VPS35: variants seen among roughly 807,000 people sequenced by gnomAD.
The protein encoded by VPS35 is VPS35 retromer complex component.
VPS35 carries 21 observed loss-of-function variants against 98.1 expected under a neutral mutation model. The ratio of observed to expected loss-of-function variants is 0.21; its 90% CI spans 0.15 to 0.31. VPS35 has a LOEUF of 0.31. Ranked by LOEUF, VPS35 falls within the 10% of genes least tolerant of loss-of-function variation. The pLI, the probability that VPS35 is intolerant of heterozygous loss-of-function variation, is 1.00. For synonymous variants in VPS35, 268 were observed against 318.2 expected, an observed-to-expected ratio of 0.84 and a Z score of 1.68; for missense variants, 554 against 950.8, an observed-to-expected ratio of 0.58 and a Z score of 5.49.
At chr16:46,670,221 A>G (rs539521137) in intron 12 of VPS35, among the ~76,000 whole-genome samples, 2 of 152,382 alleles carry the variant, frequency 1.3e-5, no homozygotes, top group South Asian at 2.1e-4. Flanking sequence ...AGGGGCAGTC[A>G]GAGCTAATGA....
chr16:46,677,432 T>C (rs1966168653), intron 6 of VPS35, 34 bp from the exon 7 acceptor site: 4 of 1,576,380 alleles, frequency 2.5e-6, no homozygotes, highest in Non-Finnish European at 3.5e-6. Context: ...AGGGTTAAAA[T>C]CTGTTTTCAA....
chr16:46,674,785 T>G (rs1966120606), intron 8 of VPS35, 125 bp from the exon 9 acceptor site: 2 of 857,658 alleles, frequency 2.3e-6, no homozygotes, highest in Non-Finnish European at 3.6e-6. Flanking sequence ...TTTTTGTTTT[T>G]TTTGTTTTGT....
intron 1 of VPS35, among the ~76,000 whole-genome samples, chr16:46,683,836 T>G (rs1966271708): frequency 6.6e-6 from 1 of 152,180 alleles, no homozygotes. Flanking sequence ...GCCATTCTCC[T>G]GCCTCAGCCT....
At chr16:46,674,932 T>TA (rs1966123493) in intron 8 of VPS35, among the ~76,000 whole-genome samples, 1 of 151,876 alleles carries the variant, frequency 6.6e-6, no homozygotes, top group South Asian at 2.1e-4. Flanking sequence ...TAGCTGGGGC[T>TA]AACAGCATGT....
intron 6 of VPS35, 50 bp from the exon 7 acceptor site, chr16:46,677,448 T>TA (rs753960900): frequency 1.1e-5 from 16 of 1,495,256 alleles, no homozygotes; most frequent in Non-Finnish European, 1.4e-5. Flanking sequence ...TTCAAAATCT[T>TA]AAGCTATTCC....
chr16:46,662,863 G>T lies in VPS35; in HGVS notation c.1827+120C>A. 6 of 1,070,628 alleles carry T rather than the reference G, an allele frequency of 5.6e-6. No homozygotes were observed. In the South Asian group the frequency reaches 7.9e-5, roughly 14 times the overall value. 66.3% of individuals were successfully genotyped at this position (1,070,628 alleles called of 1,614,324 possible). On this transcript the variant is annotated intron_variant, in intron 14 of 16. Coordinates refer to ENST00000299138, the MANE Select transcript of VPS35 (RefSeq NM_018206.6). ...TTAACAGGTTCCATGATGGTGGGAA[G>T]GTGGTAGTTACACATTCAGTAAAAG...
chr16:46,683,280 T>C, intron 2 of VPS35: 1 of 577,186 alleles, frequency 1.7e-6, no homozygotes, highest in Middle Eastern at 4.7e-4. Flanking sequence ...TGAGCTTGTA[T>C]TCTAGTAGGG....
intron 8 of VPS35, among the ~76,000 whole-genome samples, chr16:46,675,038 TCCTTGGCCTCCCA>T (rs1247063511): frequency 7.1e-6 from 1 of 141,192 alleles, no homozygotes; most frequent in African/African-American, 2.8e-5. Flanking sequence ...CAAGCCTCCC[TCCTTGGCCTCCCA>T]AAGTGCTGGG....
In VPS35 at chr16:46,681,032, TACACACAC is replaced by T. The variant is rs3040555; in HGVS notation, c.324-187_324-180del. ...CACTGACTGACCTCTAAAAAAACTA[TACACACAC>T]ACACACACACACACACACACACACT... On this transcript the variant is annotated intron_variant, in intron 4 of 16. Coordinates refer to ENST00000299138, the MANE Select transcript of VPS35 (RefSeq NM_018206.6). 5.6e-5 allele frequency among the ~76,000 whole-genome samples: 8 copies of T among 142,114 alleles called. No homozygotes were observed. In the East Asian group the frequency reaches 1.2e-3, roughly 22 times the overall value. 93.2% of individuals were successfully genotyped at this position (142,114 alleles called of 152,430 possible). A position where few individuals can be genotyped will look rare whatever the true frequency, so the allele number is the denominator to read the frequency against.
At position 46,682,062 on chromosome 16, in the gene VPS35, C is replaced by T. The variant is rs781147809; in HGVS notation, c.199+17G>A. On this transcript the variant is annotated intron_variant, in intron 3 of 16. Transcript: ENST00000299138. ...AGGTATGGTCCAAATGTTTAGTCTTCAACATTCAAAAGATACAAAGTTCAT... is the reference window on the plus strand; with the variant it reads ...AGGTATGGTCCAAATGTTTAGTCTTTAACATTCAAAAGATACAAAGTTCAT... 1.9e-6 allele frequency: 3 copies of T among 1,584,472 alleles called. No homozygotes were observed. Among genetic ancestry groups the T allele is most frequent in the Non-Finnish European group, 2.6e-6 (3 of 1,153,420 alleles).
intron 1 of VPS35, 145 bp downstream of exon 1, chr16:46,688,986 C>T: frequency 6.5e-7 from 1 of 1,538,958 alleles, no homozygotes; most frequent in South Asian, 1.2e-5. Context: ...CCTGCTGTCC[C>T]CTATCCCGCA....
chr16:46,673,999 G>A (rs1308522222), intron 10 of VPS35: 2 of 323,620 alleles, frequency 6.2e-6, no homozygotes, highest in African/African-American at 4.3e-5. Flanking sequence ...TTTATGTGTG[G>A]CCCAAGAAAA....
chr16:46,663,211 T>A, intron 13 of VPS35, 49 bp from the exon 14 acceptor site: 1 of 1,529,832 alleles, frequency 6.5e-7, no homozygotes, highest in Non-Finnish European at 9.0e-7. Context: ...AAAATTAACT[T>A]GTTCCAGGAT....
intron 8 of VPS35, among the ~76,000 whole-genome samples, chr16:46,675,791 G>A (rs897578084): frequency 4.6e-5 from 7 of 152,090 alleles, no homozygotes; most frequent in African/African-American, 1.4e-4. Context: ...TTGGCCAAGC[G>A]CAGTGGCTCA....
intron 1 of VPS35, among the ~76,000 whole-genome samples, chr16:46,685,460 CCTTT>C (rs2143009330): frequency 6.6e-6 from 1 of 152,268 alleles, no homozygotes; most frequent in Admixed American, 6.5e-5. Context: ...CATGCATCTC[CCTTT>C]TTTTCCCTAT....
rs760984023 is a variant in VPS35 at position 46,675,699 on chromosome 16, T to C, written c.914+884A>G. On this transcript the variant is annotated intron_variant, in intron 8 of 16. Coordinates refer to ENST00000299138, the MANE Select transcript of VPS35 (RefSeq NM_018206.6). ...CTGCAGAAATAAATCTTCTCTTAGG[T>C]TTCTGGTTTCATGACAATGCTTACA... Among the ~76,000 whole-genome samples the C allele has an allele frequency of 2.2e-4, 33 of 152,090 alleles. 1 individual carries two copies. The highest frequency in any genetic ancestry group is 5.2e-4 in the Admixed American group (8 of 15,256).
At chr16:46,683,821 T>A (rs1966271329) in intron 1 of VPS35, among the ~76,000 whole-genome samples, 1 of 151,768 alleles carries the variant, frequency 6.6e-6, no homozygotes, top group South Asian at 2.1e-4. Flanking sequence ...GCCTCCCGGG[T>A]TCAAGCCATT....
At chr16:46,683,115 C>A in intron 2 of VPS35, 1 of 184,288 alleles carries the variant, frequency 5.4e-6, no homozygotes, top group Non-Finnish European at 1.2e-5. Flanking sequence ...GCATTTAAAT[C>A]CATTCATTCA....
At chr16:46,679,885 T>TA (rs1222378387) in intron 5 of VPS35, among the ~76,000 whole-genome samples, 2 of 151,516 alleles carry the variant, frequency 1.3e-5, no homozygotes, top group Non-Finnish European at 2.9e-5. Context: ...GCAGATATAT[T>TA]AAAAAACATT....
Sources: allele counts gnomAD v4.1 joint callset (sites outside exome capture counted in the v4.1 genomes callset), GRCh38; gene constraint gnomAD v4.1.1; transcripts MANE v1.5; gene names NCBI Gene and HGNC (gene_info 2026-07-23, HGNC 2026-07-21).